Variants in NEGR1 observed in about 807,000 individuals in gnomAD.
The protein encoded by NEGR1 is neuronal growth regulator 1.
Under a neutral mutation model 40.9 loss-of-function variants are expected in NEGR1, and 10 were observed. The ratio of observed to expected loss-of-function variants is 0.24; its 90% CI spans 0.15 to 0.42. The LOEUF (loss-of-function observed/expected upper bound fraction) is 0.42. Ranked by LOEUF, NEGR1 falls within the 10% of genes least tolerant of loss-of-function variation. NEGR1 has a pLI of 1.00. For missense variants in NEGR1, 352 were observed against 438.9 expected, an observed-to-expected ratio of 0.80 and a Z score of 1.77; for synonymous variants, 185 against 166.8, an observed-to-expected ratio of 1.11 and a Z score of -0.84.
intron 2 of NEGR1, among the ~76,000 whole-genome samples, chr1:71,779,367 T>C (rs901604848): frequency 2.0e-5 from 3 of 152,118 alleles, no homozygotes; most frequent in African/African-American, 7.2e-5. Context: ...CAGAAGCGGA[T>C]AGGTAAGTAA....
intron 1 of NEGR1, among the ~76,000 whole-genome samples, chr1:72,141,867 C>A (rs2100336454): frequency 6.6e-6 from 1 of 151,954 alleles, no homozygotes; most frequent in East Asian, 1.9e-4. Context: ...AAGTAAATCT[C>A]CATAACTGCC....
intron 1 of NEGR1, among the ~76,000 whole-genome samples, chr1:72,094,389 G>C (rs192239124): frequency 1.4e-4 from 21 of 152,220 alleles, no homozygotes; most frequent in African/African-American, 4.6e-4. Context: ...CTTGTGCAAA[G>C]GCCCTGAACG....
intron 2 of NEGR1, among the ~76,000 whole-genome samples, chr1:71,920,123 CA>C (rs923520691): frequency 2.6e-5 from 4 of 152,182 alleles, no homozygotes; most frequent in Non-Finnish European, 5.9e-5. Context: ...AAACCACCTC[CA>C]AGCCATCTCC....
chr1:72,173,941 C>G (rs1294551052), intron 1 of NEGR1, among the ~76,000 whole-genome samples: 1 of 151,838 alleles, frequency 6.6e-6, no homozygotes, highest in Non-Finnish European at 1.5e-5. Flanking sequence ...AGACTCTTAT[C>G]TCAATAATAA....
In NEGR1 at chr1:71,407,426, C is replaced by G. The variant is rs1165627252; in HGVS notation, c.*20G>C. The G allele has an allele frequency of 1.2e-5, 19 of 1,608,754 alleles. No individual in the cohort carries two copies. Among genetic ancestry groups the G allele is most frequent in the Non-Finnish European group, 1.4e-5 (17 of 1,176,842 alleles). On this transcript the variant is annotated 3_prime_UTR_variant, in exon 7 of 7. Coordinates refer to ENST00000357731, the MANE Select transcript of NEGR1 (RefSeq NM_173808.3). ...AGCACTTTCAGAGAATCCTTAAAAG[C>G]CTTTTATGGGTCTTTGAATTTATTG...
intron 1 of NEGR1, among the ~76,000 whole-genome samples, chr1:72,257,648 C>A (rs558526401): frequency 4.6e-5 from 7 of 152,118 alleles, no homozygotes; most frequent in African/African-American, 1.7e-4. Flanking sequence ...AACTTAATGA[C>A]CACCTCTACC....
chr1:71,861,938 T>C (rs936066188), intron 2 of NEGR1, among the ~76,000 whole-genome samples: 1 of 152,086 alleles, frequency 6.6e-6, no homozygotes, highest in Non-Finnish European at 1.5e-5. Context: ...ACACCATCTC[T>C]TCAAGGACAT....
chr1:72,164,000 A>C (rs895288004), intron 1 of NEGR1, among the ~76,000 whole-genome samples: 5 of 150,736 alleles, frequency 3.3e-5, no homozygotes, highest in African/African-American at 9.7e-5. Context: ...TAGCTTGCAT[A>C]CATCTTCAGA....
intron 4 of NEGR1, among the ~76,000 whole-genome samples, chr1:71,676,775 T>C (rs1045255728): frequency 6.6e-6 from 1 of 152,244 alleles, no homozygotes; most frequent in East Asian, 1.9e-4. Context: ...TTATAGATCA[T>C]GGATGCAAGA....
intron 2 of NEGR1, among the ~76,000 whole-genome samples, chr1:71,923,764 G>A (rs950954296): frequency 6.6e-6 from 1 of 152,048 alleles, no homozygotes; most frequent in African/African-American, 2.4e-5. Context: ...GCCATTGTAG[G>A]TTGAGTCCTT....
At chr1:71,801,936 AG>A (rs1657578153) in intron 2 of NEGR1, among the ~76,000 whole-genome samples, 1 of 152,232 alleles carries the variant, frequency 6.6e-6, no homozygotes, top group Non-Finnish European at 1.5e-5. Context: ...TAATGTTAGT[AG>A]AAATATGAAC....
At chr1:71,846,966 C>G (rs1339351774) in intron 2 of NEGR1, among the ~76,000 whole-genome samples, 1 of 152,192 alleles carries the variant, frequency 6.6e-6, no homozygotes, top group Non-Finnish European at 1.5e-5. Flanking sequence ...CAGACCATAG[C>G]ACATATTTAA....
At chr1:71,753,647 T>A (rs1442632288) in intron 3 of NEGR1, among the ~76,000 whole-genome samples, 3 of 152,330 alleles carry the variant, frequency 2.0e-5, no homozygotes, top group South Asian at 2.1e-4. Flanking sequence ...CTGAATTTTC[T>A]AGTGGTTATA....
intron 1 of NEGR1, among the ~76,000 whole-genome samples, chr1:71,972,407 C>A (rs1646264378): frequency 1.3e-5 from 2 of 152,114 alleles, no homozygotes; most frequent in Admixed American, 1.3e-4. Context: ...AAACTAAAAA[C>A]AAAAATAATA....
intron 2 of NEGR1, among the ~76,000 whole-genome samples, chr1:71,778,343 T>C (rs1656583952): frequency 6.6e-6 from 1 of 152,138 alleles, no homozygotes; most frequent in South Asian, 2.1e-4. Flanking sequence ...TTCAGTATAG[T>C]ATTTGATAAT....
intron 6 of NEGR1, among the ~76,000 whole-genome samples, chr1:71,560,344 T>A (rs1193759898): frequency 6.7e-6 from 1 of 149,266 alleles, no homozygotes; most frequent in Non-Finnish European, 1.5e-5. Flanking sequence ...TTGAAATCCT[T>A]TGGTGCTATC....
Position 71,681,499 on chromosome 1 carries a change from T to A in NEGR1, c.667+16509A>T, listed in dbSNP as rs189768226. Among the ~76,000 whole-genome samples the A allele has an allele frequency of 3.0e-3, 460 of 152,292 alleles. 2 individuals carry two copies. The highest frequency in any genetic ancestry group is 9.8e-3 in the African/African-American group (407 of 41,584). ...GTTTGCTGTTGTTTTACAGGTGATC[T>A]TTTTTTATTTTAAGGTGTTTTGACA... On this transcript the variant is annotated intron_variant, in intron 4 of 6. Coordinates refer to ENST00000357731, the MANE Select transcript of NEGR1 (RefSeq NM_173808.3).
chr1:71,679,642 A>G (rs560409101), intron 4 of NEGR1, among the ~76,000 whole-genome samples: 15 of 152,216 alleles, frequency 9.9e-5, no homozygotes, highest in Admixed American at 5.9e-4. Context: ...GCAATTTGGC[A>G]GCTTTTTATT....
At chr1:71,812,096 G>C (rs1251472488) in intron 2 of NEGR1, among the ~76,000 whole-genome samples, 1 of 151,804 alleles carries the variant, frequency 6.6e-6, no homozygotes. Context: ...CCCTCCCTGT[G>C]TCCATGTGTT....
Sources: gnomAD v4.1 joint callset for allele counts (sites outside exome capture counted in the v4.1 genomes callset) on GRCh38, gnomAD v4.1.1 for gene constraint, MANE v1.5 for transcripts, NCBI Gene and HGNC (gene_info 2026-07-23, HGNC 2026-07-21) for gene names.